The following PDE4D variants were observed in gnomAD, a reference collection of about 807,000 sequenced individuals.
The protein encoded by PDE4D is phosphodiesterase 4D.
A neutral mutation model predicts 87.4 loss-of-function variants in PDE4D; 24 were observed. The ratio of observed to expected loss-of-function variants is 0.27; its 90% CI spans 0.20 to 0.39. PDE4D has a LOEUF of 0.39. Ranked by LOEUF, PDE4D falls within the 10% of genes least tolerant of loss-of-function variation. The probability of loss-of-function intolerance (pLI) is 1.00; values close to 1 mark genes in which losing one functional copy is unlikely to be tolerated. For synonymous variants in PDE4D, 384 were observed against 383.2 expected (o/e 1.00, Z -0.02); for missense variants, 714 against 1,041.0 (o/e 0.69, Z 4.32).
intron 1 of PDE4D, among the ~76,000 whole-genome samples, chr5:59,549,310 A>G (rs990342267): frequency 5.3e-5 from 8 of 152,208 alleles, no homozygotes; most frequent in Non-Finnish European, 1.0e-4. Context: ...TTTTTCATTC[A>G]CTATCACAAC....
intron 6 of PDE4D, among the ~76,000 whole-genome samples, chr5:59,007,809 G>A (rs75962990): frequency 2.9e-3 from 438 of 151,880 alleles, no homozygotes; most frequent in African/African-American, 0.01. Flanking sequence ...GCTGAGAATC[G>A]TTCTCTAAAT....
intron 2 of PDE4D, among the ~76,000 whole-genome samples, chr5:60,099,978 A>C (rs1471404138): frequency 6.6e-6 from 1 of 152,040 alleles, no homozygotes; most frequent in Non-Finnish European, 1.5e-5. Flanking sequence ...AGAAAGAAAG[A>C]AAACCCTGGA....
intron 2 of PDE4D, among the ~76,000 whole-genome samples, chr5:60,141,572 T>C (rs1780538072): frequency 1.3e-5 from 2 of 152,130 alleles, no homozygotes; most frequent in South Asian, 2.1e-4. Flanking sequence ...TAAGTACATA[T>C]GGGCTAATAA....
chr5:59,750,808 T>G (rs1760331229), intron 1 of PDE4D, among the ~76,000 whole-genome samples: 1 of 152,008 alleles, frequency 6.6e-6, no homozygotes, highest in Non-Finnish European at 1.5e-5. Context: ...TGGTAGCATG[T>G]GCCTGTAGTC....
intron 1 of PDE4D, among the ~76,000 whole-genome samples, chr5:59,286,671 T>C (rs1460452360): frequency 2.0e-5 from 3 of 152,186 alleles, no homozygotes; most frequent in Non-Finnish European, 4.4e-5. Flanking sequence ...TACTCAAAAG[T>C]AACTCTTGAA....
intron 2 of PDE4D, among the ~76,000 whole-genome samples, chr5:60,179,657 A>G (rs1327937401): frequency 2.0e-5 from 3 of 152,192 alleles, no homozygotes; most frequent in South Asian, 2.1e-4. Context: ...AGCCAGAACT[A>G]TAACTCAGGG....
intron 1 of PDE4D, among the ~76,000 whole-genome samples, chr5:60,330,320 C>T (rs541735654): frequency 3.3e-5 from 5 of 152,250 alleles, no homozygotes; most frequent in South Asian, 2.1e-4. Context: ...AAAGCCTGTG[C>T]GCAAATGAGC....
At chr5:59,693,353 C>T (rs1399736946) in intron 1 of PDE4D, among the ~76,000 whole-genome samples, 2 of 152,046 alleles carry the variant, frequency 1.3e-5, no homozygotes, top group African/African-American at 2.4e-5. Context: ...GTCTTTATAC[C>T]TGCAATGTTT....
chr5:59,468,709 C>T (rs1173420390), intron 1 of PDE4D, among the ~76,000 whole-genome samples: 1 of 152,200 alleles, frequency 6.6e-6, no homozygotes, highest in African/African-American at 2.4e-5. Context: ...AAACAACTTA[C>T]ATTATCTCAG....
Position 59,480,090 on chromosome 5 carries a change from AT to A in PDE4D, c.456-264123del, listed in dbSNP as rs912450230. On this transcript the variant is annotated intron_variant, in intron 1 of 14. Transcript: ENST00000340635. Reference sequence around the variant, plus strand: ...ACATTTTTTGGAGGTTGTATTTTTAATTTTTTTTCAATATTGAAAAATTTTA... The same window carrying A: ...ACATTTTTTGGAGGTTGTATTTTTAATTTTTTTCAATATTGAAAAATTTTA... 1.2e-3 allele frequency among the ~76,000 whole-genome samples: 189 copies of A among 151,476 alleles called. 2 individuals carry two copies. Among genetic ancestry groups the A allele is most frequent in the Non-Finnish European group, 2.2e-3 (146 of 67,824 alleles).
intron 1 of PDE4D, among the ~76,000 whole-genome samples, chr5:59,332,538 T>C (rs1310810442): frequency 6.6e-6 from 1 of 152,218 alleles, no homozygotes; most frequent in African/African-American, 2.4e-5. Context: ...CTTCTCCATT[T>C]TCCTGTCCTT....
At chr5:59,534,336 C>G (rs1427167447) in intron 1 of PDE4D, among the ~76,000 whole-genome samples, 1 of 152,116 alleles carries the variant, frequency 6.6e-6, no homozygotes. Context: ...TAAATAAGCA[C>G]AAAACAAACA....
chr5:59,190,189 T>C (rs1744002156), intron 3 of PDE4D, among the ~76,000 whole-genome samples: 1 of 152,118 alleles, frequency 6.6e-6, no homozygotes. Flanking sequence ...GGAGGGGATC[T>C]TTGAACACCT....
At chr5:60,469,695 A>T (rs912746737) in intron 1 of PDE4D, among the ~76,000 whole-genome samples, 1 of 152,182 alleles carries the variant, frequency 6.6e-6, no homozygotes, top group Non-Finnish European at 1.5e-5. Context: ...TTAGGGTGAT[A>T]TGTGATCAGT....
At chr5:59,232,340 C>A (rs1225384376) in intron 1 of PDE4D, among the ~76,000 whole-genome samples, 9 of 151,792 alleles carry the variant, frequency 5.9e-5, no homozygotes, top group Non-Finnish European at 1.2e-4. Context: ...CCAAACCAAA[C>A]CCAAATAATC....
intron 2 of PDE4D, among the ~76,000 whole-genome samples, chr5:60,013,221 C>T (rs550143994): frequency 1.3e-5 from 2 of 152,302 alleles, no homozygotes; most frequent in East Asian, 3.9e-4. Flanking sequence ...TGATCTCAAA[C>T]TTCCACCTCT....
chr5:59,195,269 C>CAA (rs34275268), intron 2 of PDE4D, among the ~76,000 whole-genome samples: 4 of 147,424 alleles, frequency 2.7e-5, no homozygotes, highest in African/African-American at 7.5e-5. Context: ...CCTTGACTCT[C>CAA]AAAAAAAAAA....
chr5:59,587,325 T>G, intron 1 of PDE4D: 1 of 514,176 alleles, frequency 1.9e-6, no homozygotes, highest in Non-Finnish European at 2.5e-6. Context: ...CCCGATGTCT[T>G]TCTTTTCTTT....
intron 3 of PDE4D, among the ~76,000 whole-genome samples, chr5:59,918,010 A>G (rs923766723): frequency 2.6e-5 from 4 of 152,066 alleles, no homozygotes; most frequent in South Asian, 4.1e-4. Context: ...TGCTAAAACT[A>G]GTGACCTATA....
Sources: allele counts gnomAD v4.1 joint callset (sites outside exome capture counted in the v4.1 genomes callset), GRCh38; gene constraint gnomAD v4.1.1; transcripts MANE v1.5; gene names NCBI Gene and HGNC (gene_info 2026-07-23, HGNC 2026-07-21).